The following ADK variants were observed in gnomAD, a reference collection of about 807,000 sequenced individuals.
ADK encodes the protein adenosine kinase.
A neutral mutation model predicts 44.7 loss-of-function variants in ADK; 24 were observed. The observed-to-expected ratio is 0.54, with a 90% CI of 0.39 to 0.76. The LOEUF (loss-of-function observed/expected upper bound fraction) is 0.76. Among genes scored for constraint, ADK ranks in the 30% least tolerant of loss-of-function variants. The probability of loss-of-function intolerance (pLI) is 0.00; values close to 1 mark genes in which losing one functional copy is unlikely to be tolerated. For synonymous variants in ADK, 128 were observed against 142.6 expected (o/e 0.90, Z 0.73); for missense variants, 321 against 425.1 (o/e 0.76, Z 2.15).
At chr10:74,594,690 TGAA>T (rs1851840765) in intron 8 of ADK, among the ~76,000 whole-genome samples, 1 of 148,330 alleles carries the variant, frequency 6.7e-6, no homozygotes, top group Admixed American at 6.7e-5. Flanking sequence ...AAAAAAAGAA[TGAA>T]GAGAGTATGT....
chr10:74,591,370 G>A (rs1357419831), intron 8 of ADK, among the ~76,000 whole-genome samples: 1 of 152,122 alleles, frequency 6.6e-6, no homozygotes, highest in Non-Finnish European at 1.5e-5. Flanking sequence ...GATATTGACA[G>A]TGATATGTTA....
chr10:74,335,024 C>T (rs1841359012), intron 4 of ADK, among the ~76,000 whole-genome samples: 1 of 152,086 alleles, frequency 6.6e-6, no homozygotes, highest in African/African-American at 2.4e-5. Flanking sequence ...GTTTCTAACC[C>T]TTCCCTCTCT....
chr10:74,247,468 C>T (rs1176611543), intron 3 of ADK, among the ~76,000 whole-genome samples: 2 of 151,808 alleles, frequency 1.3e-5, no homozygotes, highest in Non-Finnish European at 2.9e-5. Flanking sequence ...AACTCTTGGG[C>T]TTAAGTGATC....
At chr10:74,459,830 T>C (rs1054932797) in intron 6 of ADK, among the ~76,000 whole-genome samples, 1 of 152,156 alleles carries the variant, frequency 6.6e-6, no homozygotes, top group African/African-American at 2.4e-5. Flanking sequence ...AGGCATTATT[T>C]TTTTTCCTTG....
At chr10:74,295,333 GTGCT>G (rs151139511) in intron 3 of ADK, among the ~76,000 whole-genome samples, 18,513 of 151,644 alleles carry the variant, frequency 0.12, 1,161 homozygotes, top group Middle Eastern at 0.17. Context: ...ATGGTGGCAC[GTGCT>G]TGTAATCCCA....
chr10:74,637,225 A>G (rs1589320782), intron 9 of ADK, among the ~76,000 whole-genome samples: 1 of 152,212 alleles, frequency 6.6e-6, no homozygotes, highest in Admixed American at 6.5e-5. Flanking sequence ...GAAATTCTGA[A>G]TATAAAATAA....
intron 3 of ADK, among the ~76,000 whole-genome samples, chr10:74,289,185 C>T (rs1847309628): frequency 6.6e-6 from 1 of 152,156 alleles, no homozygotes; most frequent in Non-Finnish European, 1.5e-5. Context: ...TCTATAGCTT[C>T]TTCTAGGAAC....
chr10:74,409,158 T>G (rs963416790), intron 6 of ADK, among the ~76,000 whole-genome samples: 2 of 152,212 alleles, frequency 1.3e-5, no homozygotes, highest in African/African-American at 4.8e-5. Context: ...TGCATAGTGT[T>G]TGGATTACAT....
intron 1 of ADK, chr10:74,176,744 T>G (rs902089194): frequency 2.0e-5 from 31 of 1,518,454 alleles, no homozygotes; most frequent in African/African-American, 2.7e-5. Context: ...GCGCGCGGGG[T>G]GTGTGAGGAC....
At chr10:74,681,292 T>C (rs1855589966) in intron 10 of ADK, among the ~76,000 whole-genome samples, 1 of 152,200 alleles carries the variant, frequency 6.6e-6, no homozygotes. Context: ...AAATTAAAAA[T>C]TAAAAATGTT....
At chr10:74,425,712 C>G (rs981461624) in intron 6 of ADK, among the ~76,000 whole-genome samples, 1 of 152,178 alleles carries the variant, frequency 6.6e-6, no homozygotes, top group African/African-American at 2.4e-5. Flanking sequence ...TGGCATATCC[C>G]TCAGAATGAA....
At chr10:74,337,552 T>G (rs1841447422) in intron 4 of ADK, among the ~76,000 whole-genome samples, 1 of 152,180 alleles carries the variant, frequency 6.6e-6, no homozygotes, top group African/African-American at 2.4e-5. Context: ...TTAAGTGCCT[T>G]TCCTGGGTTA....
At chr10:74,622,371 G>A (rs1352876511) in intron 9 of ADK, among the ~76,000 whole-genome samples, 2 of 151,906 alleles carry the variant, frequency 1.3e-5, no homozygotes, top group African/African-American at 4.8e-5. Flanking sequence ...TTCTCTCTGA[G>A]ACCTTCTCTT....
chr10:74,670,871 T>C (rs1855145613), intron 10 of ADK, among the ~76,000 whole-genome samples: 2 of 152,190 alleles, frequency 1.3e-5, no homozygotes, highest in South Asian at 4.1e-4. Context: ...TGATCTAAAA[T>C]CTGATTCAAA....
intron 1 of ADK, among the ~76,000 whole-genome samples, chr10:74,190,827 G>C (rs1842930156): frequency 1.3e-5 from 2 of 152,152 alleles, no homozygotes; most frequent in Admixed American, 1.3e-4. Flanking sequence ...CTAGCCTGGA[G>C]CTGGGAAGAG....
At chr10:74,590,179 A>G (rs1241152436) in intron 8 of ADK, among the ~76,000 whole-genome samples, 1 of 152,190 alleles carries the variant, frequency 6.6e-6, no homozygotes, top group Non-Finnish European at 1.5e-5. Context: ...AACTATGTAG[A>G]ATGCTGTGTT....
At chr10:74,700,176 G>A (rs10824221) in intron 10 of ADK, among the ~76,000 whole-genome samples, 15,602 of 152,162 alleles carry the variant, frequency 0.1, 1,310 homozygotes, top group African/African-American at 0.22. Context: ...ATTTATACAT[G>A]GAGATACTAT....
chr10:74,296,093 G>A (rs994799136), intron 3 of ADK, among the ~76,000 whole-genome samples: 3 of 145,270 alleles, frequency 2.1e-5, no homozygotes, highest in African/African-American at 7.6e-5. Context: ...ACTTTCTTTG[G>A]GTTTCATTTG....
At chr10:74,253,941 A>G (rs1845736829) in intron 3 of ADK, among the ~76,000 whole-genome samples, 1 of 151,876 alleles carries the variant, frequency 6.6e-6, no homozygotes, top group Non-Finnish European at 1.5e-5. Context: ...AAATTTTTGT[A>G]TTTTTAGTAG....
Sources: gnomAD v4.1 joint callset for allele counts (sites outside exome capture counted in the v4.1 genomes callset) on GRCh38, gnomAD v4.1.1 for gene constraint, MANE v1.5 for transcripts, NCBI Gene and HGNC (gene_info 2026-07-23, HGNC 2026-07-21) for gene names.